Variants in IQCE observed in about 807,000 individuals in gnomAD.
IQCE encodes the protein IQ motif containing E, also known as IQ domain-containing protein E.
IQCE carries 115 observed loss-of-function variants against 96.0 expected under a neutral mutation model. The observed-to-expected ratio is 1.20, with a 90% CI of 1.03 to 1.40. IQCE has a LOEUF of 1.40. Ranked by LOEUF, IQCE falls within the 40% of genes most tolerant of loss-of-function variation. The pLI is 0.00. For missense variants in IQCE, 1,041 were observed against 909.1 expected (o/e 1.15, Z -1.87); for synonymous variants, 412 against 371.2 (o/e 1.11, Z -1.26).
chr7:2,566,170 T>C (rs1781356271), intron 1 of IQCE, among the ~76,000 whole-genome samples: 1 of 152,172 alleles, frequency 6.6e-6, no homozygotes, highest in Non-Finnish European at 1.5e-5. Flanking sequence ...ACTTCCAGTG[T>C]CCGCATTGGA....
At position 2,610,091 on chromosome 7, in the gene IQCE, G is replaced by A; in HGVS notation, c.2017G>A (p.Asp673Asn). The A allele has an allele frequency of 6.2e-7, 1 of 1,613,276 alleles. No homozygotes were observed. Among genetic ancestry groups the A allele is most frequent in the Non-Finnish European group, 8.5e-7 (1 of 1,179,198 alleles). ...PQALAPLPGD[D>N]VNSDDSDDIV... is the part of the protein sequence containing the mutation. The stretch of plus-strand genomic sequence containing the variant: ...GGCCTTGGCACCTCTACCTGGGGAT[G>A]ACGTCAACTCCGATGATTCCGACGA... Residue 673 changes from aspartate to asparagine, a missense_variant, in exon 22 of 22, where the codon GAC (aspartate) becomes AAC (asparagine). By Grantham distance (23) the Asp-to-Asn change is conservative (BLOSUM62 1). Coordinates refer to ENST00000402050, the MANE Select transcript of IQCE (RefSeq NM_152558.5).
intron 3 of IQCE, among the ~76,000 whole-genome samples, chr7:2,570,553 A>G (rs545393017): frequency 9.2e-5 from 14 of 152,168 alleles, no homozygotes; most frequent in African/African-American, 3.4e-4. Flanking sequence ...CGAATTTCAC[A>G]TAAATTGTGA....
At chr7:2,596,940 A>G (rs2128465114) in intron 16 of IQCE, 3 of 469,908 alleles carry the variant, frequency 6.4e-6, no homozygotes, top group East Asian at 7.0e-5. Context: ...GGATGTACCC[A>G]GGGCATCTTC....
rs1279416742 is a variant in IQCE at position 2,571,445 on chromosome 7, A to G, written c.131-81A>G. 6.4e-6 allele frequency: 10 copies of G among 1,569,736 alleles called. No homozygotes were observed. The Admixed American group carries it at 1.3e-4, about 20-fold the overall frequency. The stretch of plus-strand genomic sequence containing the variant: ...CCACGCTCGTGGATTTTGTTTTCCT[A>G]TTTCTGTCTTTCTGAAGTTCATGTG... On this transcript the variant is annotated intron_variant, in intron 3 of 21. Coordinates refer to ENST00000402050, the MANE Select transcript of IQCE (RefSeq NM_152558.5).
intron 17 of IQCE, among the ~76,000 whole-genome samples, chr7:2,598,986 C>T (rs534739172): frequency 1.2e-4 from 19 of 152,364 alleles, no homozygotes; most frequent in African/African-American, 4.6e-4. Flanking sequence ...AGCAGTTTTA[C>T]ATCCTCACCT....
chr7:2,594,916 C>G lies in IQCE; in HGVS notation c.1380C>G (p.Leu460=), dbSNP rs369133737. ...AGATTCAGACACTTACCAGCAAGCT[C>G]CAAGAATTGCAAGAAATGAAGAAAG... ...REEIQTLTSK[L]QELQEMKKEE... Residue 460 remains leucine, a synonymous_variant, in exon 16 of 22, where the codon CTC becomes CTG. Transcript: ENST00000402050. 15 of 1,613,820 alleles carry G rather than the reference C, an allele frequency of 9.3e-6. No homozygotes were observed. Among genetic ancestry groups the G allele is most frequent in the Middle Eastern group, 1.6e-4 (1 of 6,082 alleles).
At position 2,613,767 on chromosome 7, in the gene IQCE, C is replaced by T. The variant is rs1270780606; in HGVS notation, c.*3605C>T. ...CGTGCGGACTGTGATGCCAGAGAGG[C>T]GTGCAGCCTCTGGGCAAGTCGGGAG... On this transcript the variant is annotated 3_prime_UTR_variant, in exon 22 of 22. Transcript: ENST00000402050. 2 of 152,274 alleles carry T rather than the reference C, an allele frequency of 1.3e-5. No homozygotes were observed. The highest frequency in any genetic ancestry group is 2.4e-5 in the African/African-American group (1 of 41,446). The allele number at this position is 152,274 out of a possible 1,614,324, so 9.4% of individuals were successfully genotyped here. A position where few individuals can be genotyped will look rare whatever the true frequency, so the allele number is the denominator to read the frequency against.
At position 2,589,941 on chromosome 7, in the gene IQCE, C is replaced by T; in HGVS notation, c.1079C>T (p.Ala360Val). The change falls in exon 14 of 22, where the codon GCC becomes GTC. Residue 360 changes from alanine to valine, a missense_variant. By Grantham distance (64) the Ala-to-Val change is moderately conservative. Transcript: ENST00000402050. Reference sequence around the variant, plus strand: ...GTGATGGAGAGCTCAAAATCACACGCCGCAGAGCCAGTCAGATCACACCCG... The same window carrying T: ...GTGATGGAGAGCTCAAAATCACACGTCGCAGAGCCAGTCAGATCACACCCG... Reference protein sequence around the residue: ...LSVMESSKSHAAEPVRSHPPA... With the variant: ...LSVMESSKSHVAEPVRSHPPA... 6.2e-7 allele frequency: 1 copy of T among 1,613,960 alleles called. No homozygotes were observed. Among genetic ancestry groups the T allele is most frequent in the South Asian group, 1.1e-5 (1 of 91,088 alleles).
chr7:2,608,598 C>G (rs1784979429), intron 21 of IQCE, among the ~76,000 whole-genome samples: 1 of 152,186 alleles, frequency 6.6e-6, no homozygotes, highest in Non-Finnish European at 1.5e-5. Flanking sequence ...CGGCCTGTGA[C>G]TCGTGGGCTC....
rs570431439 is a variant in IQCE at position 2,583,685 on chromosome 7, C to A, written c.750C>A (p.Ile250=). ...MKTTNLEEMR[I]AMETYYEEVH... ...CTACCAACCTGGAAGAGATGCGGAT[C>A]GCCATGGAGACATACTACGAGGAGG... The change falls in exon 10 of 22, where the codon ATC becomes ATA. Residue 250 remains isoleucine (I), a synonymous_variant. Transcript: ENST00000402050. The A allele has an allele frequency of 6.4e-7, 1 of 1,568,520 alleles. No individual in the cohort carries two copies. The highest frequency in any genetic ancestry group is 2.4e-5 in the East Asian group (1 of 42,006).
Position 2,590,002 on chromosome 7 carries a change from A to G in IQCE, c.1140A>G (p.Arg380=), listed in dbSNP as rs1179970761. Residue 380 remains arginine (R), a synonymous_variant, in exon 14 of 22, where the codon AGA becomes AGG. Coordinates refer to ENST00000402050, the MANE Select transcript of IQCE (RefSeq NM_152558.5). ...ACLASSSALH[R]QPRGDRNKDH... is the part of the protein sequence containing the mutation. ...TTGCATCCAGCTCTGCGCTGCACAG[A>G]CAGCCACGAGGGGACCGCAACAAGG... The G allele has an allele frequency of 6.2e-7, 1 of 1,613,940 alleles. No individual in the cohort carries two copies. The highest frequency in any genetic ancestry group is 8.5e-7 in the Non-Finnish European group (1 of 1,180,022).
intron 12 of IQCE, among the ~76,000 whole-genome samples, chr7:2,587,556 C>T (rs1329279393): frequency 1.3e-5 from 2 of 152,090 alleles, no homozygotes; most frequent in African/African-American, 2.4e-5. Context: ...GTCTTAATGG[C>T]CTGGCCAGGT....
Position 2,607,134 on chromosome 7 carries a change from A to G in IQCE, c.1876A>G (p.Lys626Glu), listed in dbSNP as rs199807604. 8.7e-6 allele frequency: 14 copies of G among 1,601,192 alleles called. No individual in the cohort carries two copies. The highest frequency in any genetic ancestry group is 1.2e-5 in the Non-Finnish European group (14 of 1,174,922). The stretch of plus-strand genomic sequence containing the variant: ...TCTGTTTTTTTCCAGTGCTACCGGT[A>G]AAAGAACCACCACCGCAGCTTCTAC... ...LARARHSATG[K>E]RTTTAASTRR... The change falls in exon 21 of 22, where the codon AAA (lysine) becomes GAA (glutamate). Residue 626 changes from lysine to glutamate, a missense_variant. Coordinates refer to ENST00000402050, the MANE Select transcript of IQCE (RefSeq NM_152558.5).
chr7:2,586,671 G>A (rs1783142783), intron 12 of IQCE, among the ~76,000 whole-genome samples: 1 of 152,238 alleles, frequency 6.6e-6, no homozygotes, highest in Admixed American at 6.5e-5. Flanking sequence ...AGGAGGGGAG[G>A]AGGACACATT....
At chr7:2,605,822 G>A in intron 19 of IQCE, 54 bp from the exon 20 acceptor site, 8 of 1,463,752 alleles carry the variant, frequency 5.5e-6, no homozygotes, top group Non-Finnish European at 6.4e-6. Context: ...TGAGTGCTGG[G>A]AGCCAGCAGG....
rs965760429 is a variant in IQCE, at chr7:2,593,113, G to C, written c.1336G>C (p.Glu446Gln). Residue 446 changes from glutamate to glutamine, a missense_variant, in exon 15 of 22, where the codon GAG becomes CAG. By Grantham distance (29) the Glu-to-Gln change is conservative. Coordinates refer to ENST00000402050, the MANE Select transcript of IQCE (RefSeq NM_152558.5). ...REGEEERRER[E>Q]EVLREEIQTL... ...GGGCGAGGAGGAGAGGAGAGAGCGA[G>C]AGGAGGTTTTGAGGTATGTGACCCG... 3.3e-5 allele frequency: 53 copies of C among 1,611,738 alleles called. No individual in the cohort carries two copies. Among genetic ancestry groups the C allele is most frequent in the Middle Eastern group, 1.7e-4 (1 of 6,006 alleles).
At chr7:2,591,241 ACT>A (rs752900887) in intron 14 of IQCE, among the ~76,000 whole-genome samples, 7 of 150,562 alleles carry the variant, frequency 4.6e-5, no homozygotes, top group Non-Finnish European at 1.0e-4. Context: ...TAACAGTGAG[ACT>A]CTGTCTCAAA....
chr7:2,581,716 T>G (rs187605774), intron 8 of IQCE, among the ~76,000 whole-genome samples: 2,414 of 150,916 alleles, frequency 0.016, 66 homozygotes, highest in African/African-American at 0.054. Flanking sequence ...ATGTTCTTTT[T>G]TTTTTTTTTT....
Position 2,613,324 on chromosome 7 carries a change from G to A in IQCE, c.*3162G>A, listed in dbSNP as rs931491356. ...AGGCCTGTCCCCAACTCCTCCCCTA[G>A]AGGCCTATTCCCGCTGCTCACAGAC... is the stretch of plus-strand genomic sequence containing the variant. On this transcript the variant is annotated 3_prime_UTR_variant, in exon 22 of 22. Transcript: ENST00000402050. 1 of 152,306 alleles carries A rather than the reference G, an allele frequency of 6.6e-6. No individual in the cohort carries two copies. Among genetic ancestry groups the A allele is most frequent in the Non-Finnish European group, 1.5e-5 (1 of 68,152 alleles). The allele number at this position is 152,306 out of a possible 1,614,324, so 9.4% of individuals were successfully genotyped here. A position where few individuals can be genotyped will look rare whatever the true frequency, so the allele number is the denominator to read the frequency against.
Sources: gnomAD v4.1 joint callset for allele counts (sites outside exome capture counted in the v4.1 genomes callset) on GRCh38, gnomAD v4.1.1 for gene constraint, MANE v1.5 for transcripts, NCBI Gene and HGNC (gene_info 2026-07-23, HGNC 2026-07-21) for gene names.